The following BTBD9 variants were observed in gnomAD, a reference collection of about 807,000 sequenced individuals.
The protein encoded by BTBD9 is BTB domain containing 9.
Under a neutral mutation model 64.3 loss-of-function variants are expected in BTBD9, and 49 were observed. That is an observed-to-expected ratio of 0.76 (90% CI 0.61 to 0.97). The LOEUF is 0.97. BTBD9 is among the 50% of genes least tolerant of loss of function. The pLI, the probability that BTBD9 is intolerant of heterozygous loss-of-function variation, is 0.00. For missense variants in BTBD9, 598 were observed against 762.1 expected, an observed-to-expected ratio of 0.78 and a Z score of 2.53; for synonymous variants, 260 against 274.7, an observed-to-expected ratio of 0.95 and a Z score of 0.53.
chr6:38,607,417 G>A (rs867024987), intron 1 of BTBD9, among the ~76,000 whole-genome samples: 4 of 152,122 alleles, frequency 2.6e-5, no homozygotes, highest in African/African-American at 4.8e-5. Context: ...GTTGCTACAC[G>A]TTGGATAGTA....
chr6:38,361,311 AAGC>A (rs1441751243), intron 6 of BTBD9, among the ~76,000 whole-genome samples: 1 of 152,166 alleles, frequency 6.6e-6, no homozygotes, highest in East Asian at 1.9e-4. Context: ...TGGGAGGCTG[AAGC>A]GGGAGGACTG....
chr6:38,469,088 A>G (rs746672442), intron 6 of BTBD9, among the ~76,000 whole-genome samples: 11 of 152,072 alleles, frequency 7.2e-5, no homozygotes, highest in Non-Finnish European at 1.6e-4. Context: ...CTAAAGTTGC[A>G]TTAAAAAAAA....
At chr6:38,192,486 C>G in intron 10 of BTBD9, 33 bp downstream of exon 10, 1 of 1,577,470 alleles carries the variant, frequency 6.3e-7, no homozygotes, top group South Asian at 1.1e-5. Context: ...ATCATGAAAT[C>G]TCATGGCACC....
At chr6:38,319,450 A>G (rs961953551) in intron 7 of BTBD9, among the ~76,000 whole-genome samples, 1 of 151,652 alleles carries the variant, frequency 6.6e-6, no homozygotes, top group Non-Finnish European at 1.5e-5. Flanking sequence ...AGTGTGTACT[A>G]CTTGGTTACC....
chr6:38,587,170 C>T (rs1320374203), intron 4 of BTBD9, among the ~76,000 whole-genome samples: 1 of 152,072 alleles, frequency 6.6e-6, no homozygotes, highest in Non-Finnish European at 1.5e-5. Context: ...GGAGGGCAAC[C>T]GAGGGGTCAG....
chr6:38,282,951 GA>G (rs1407372656), intron 8 of BTBD9, among the ~76,000 whole-genome samples: 46 of 152,194 alleles, frequency 3.0e-4, no homozygotes, highest in African/African-American at 9.9e-4. Context: ...TCAGTTCCAT[GA>G]GAGCACCAAT....
chr6:38,591,784 C>T (rs1157600728), intron 4 of BTBD9, among the ~76,000 whole-genome samples: 1 of 151,896 alleles, frequency 6.6e-6, no homozygotes, highest in African/African-American at 2.4e-5. Context: ...TGCTATAAAT[C>T]CATTAATAAG....
intron 6 of BTBD9, among the ~76,000 whole-genome samples, chr6:38,474,828 C>G (rs911855184): frequency 7.2e-5 from 11 of 151,976 alleles, no homozygotes; most frequent in African/African-American, 2.4e-4. Flanking sequence ...ATCTCTAATG[C>G]CTATAATTTG....
intron 6 of BTBD9, among the ~76,000 whole-genome samples, chr6:38,507,709 T>A (rs866025012): frequency 4.6e-5 from 7 of 152,310 alleles, no homozygotes; most frequent in African/African-American, 1.4e-4. Flanking sequence ...TCTTCTCTTT[T>A]CCTGAAACGT....
At chr6:38,575,475 G>A (rs1010165199) in intron 6 of BTBD9, among the ~76,000 whole-genome samples, 8 of 152,108 alleles carry the variant, frequency 5.3e-5, no homozygotes, top group Non-Finnish European at 1.2e-4. Context: ...GAACACTTAC[G>A]TGCTAAGGAA....
At chr6:38,503,845 TG>T (rs1182058005) in intron 6 of BTBD9, among the ~76,000 whole-genome samples, 2 of 152,214 alleles carry the variant, frequency 1.3e-5, no homozygotes, top group Non-Finnish European at 2.9e-5. Context: ...TTCAAATCCA[TG>T]GGCAACTCCT....
At chr6:38,397,610 C>A (rs1235259089) in intron 6 of BTBD9, among the ~76,000 whole-genome samples, 2 of 152,140 alleles carry the variant, frequency 1.3e-5, no homozygotes, top group Non-Finnish European at 2.9e-5. Context: ...TTTGCAAGCA[C>A]AGGAGAGAGA....
intron 6 of BTBD9, among the ~76,000 whole-genome samples, chr6:38,519,908 A>G (rs138556777): frequency 6.6e-6 from 1 of 152,348 alleles, no homozygotes; most frequent in Non-Finnish European, 1.5e-5. Flanking sequence ...AATAATAAGC[A>G]TTGCAGACAA....
rs1771538098 is a variant in BTBD9 at position 38,488,083 on chromosome 6, A to AGTAGCT, written c.1154+89511_1154+89516dup. 3.3e-5 allele frequency among the ~76,000 whole-genome samples: 5 copies of AGTAGCT among 152,300 alleles called. No individual in the cohort carries two copies. The South Asian group carries it at 1.0e-3, about 32-fold the overall frequency. On this transcript the variant is annotated intron_variant, in intron 6 of 10. Transcript: ENST00000481247. Reference sequence around the variant, plus strand: ...GCCATCCTCCCACTTCGGCCTCCCAAGTAGCTGGGACTACAGGTGCATGCC... The same window carrying AGTAGCT: ...GCCATCCTCCCACTTCGGCCTCCCAAGTAGCTGTAGCTGGGACTACAGGTGCATGCC...
At chr6:38,205,172 A>T (rs950659743) in intron 9 of BTBD9, among the ~76,000 whole-genome samples, 1 of 152,226 alleles carries the variant, frequency 6.6e-6, no homozygotes, top group East Asian at 1.9e-4. Flanking sequence ...GGAAAGTGCC[A>T]AAGTCACACA....
intron 1 of BTBD9, among the ~76,000 whole-genome samples, chr6:38,638,887 G>A (rs1426458002): frequency 6.6e-6 from 1 of 152,148 alleles, no homozygotes; most frequent in Non-Finnish European, 1.5e-5. Context: ...ACCCATGATA[G>A]AGTCCAGAGC....
At chr6:38,569,371 G>A (rs1775658233) in intron 6 of BTBD9, among the ~76,000 whole-genome samples, 1 of 152,160 alleles carries the variant, frequency 6.6e-6, no homozygotes, top group Non-Finnish European at 1.5e-5. Context: ...GTAGTATTCA[G>A]AAGAAAAATA....
chr6:38,302,659 C>T (rs1257847076), intron 7 of BTBD9, among the ~76,000 whole-genome samples: 1 of 151,488 alleles, frequency 6.6e-6, no homozygotes, highest in South Asian at 2.1e-4. Context: ...TAGATATATA[C>T]CCAGTAGTGG....
intron 7 of BTBD9, among the ~76,000 whole-genome samples, chr6:38,305,137 G>A (rs919435610): frequency 5.9e-5 from 9 of 152,144 alleles, no homozygotes; most frequent in African/African-American, 1.2e-4. Flanking sequence ...AGTTCTTTAC[G>A]GAAAGCTAGG....
Sources: allele counts gnomAD v4.1 joint callset (sites outside exome capture counted in the v4.1 genomes callset), GRCh38; gene constraint gnomAD v4.1.1; transcripts MANE v1.5; gene names NCBI Gene and HGNC (gene_info 2026-07-23, HGNC 2026-07-21).